CFAP92: variants seen among roughly 807,000 people sequenced by gnomAD.
CFAP92 encodes the protein uncharacterized protein CFAP92.
Under a neutral mutation model 106.3 loss-of-function variants are expected in CFAP92, and 86 were observed. The observed-to-expected ratio is 0.81, with a 90% CI of 0.68 to 0.97. CFAP92 has a LOEUF of 0.97. Ranked by LOEUF, CFAP92 falls within the 50% of genes least tolerant of loss-of-function variation. CFAP92 has a pLI of 0.00. For synonymous variants in CFAP92, 477 were observed against 506.4 expected, an observed-to-expected ratio of 0.94 and a Z score of 0.78; for missense variants, 1,204 against 1,283.8, an observed-to-expected ratio of 0.94 and a Z score of 0.95.
upstream of CFAP92, chr3:129,003,856 G>T (rs562843573): frequency 1.2e-4 from 178 of 1,450,658 alleles, 2 homozygotes; most frequent in African/African-American, 2.3e-3. Flanking sequence ...CGGAGGCTGC[G>T]GTGCGGGAGC....
intron 4 of CFAP92, among the ~76,000 whole-genome samples, chr3:128,987,365 T>C (rs1943924657): frequency 1.3e-5 from 2 of 152,024 alleles, no homozygotes; most frequent in Admixed American, 6.5e-5. Context: ...TGGGTGCCTG[T>C]GTCAGAGCTG....
chr3:128,986,538 T>C (rs1943868541), intron 4 of CFAP92, among the ~76,000 whole-genome samples: 1 of 152,164 alleles, frequency 6.6e-6, no homozygotes, highest in African/African-American at 2.4e-5. Flanking sequence ...ATTTTTAACA[T>C]CTCTAAGCAT....
Position 128,945,841 on chromosome 3 carries a change from ACTGGGGTGCAGTG to A in CFAP92, c.1475_1487del (p.Ala492ValfsTer3). On this transcript the variant is annotated frameshift_variant, in exon 10 of 16. Transcript: ENST00000645291. LOFTEE classifies it high-confidence loss of function. The stretch of plus-strand genomic sequence containing the variant: ...GGCCCTCCAGGTATTCCCTTAGGTC[ACTGGGGTGCAGTG>A]CCCCAAGGAAGATGACGTTGATGTC... The A allele has an allele frequency of 6.6e-7, 1 of 1,508,866 alleles. No homozygotes were observed. Among genetic ancestry groups the A allele is most frequent in the Non-Finnish European group, 8.8e-7 (1 of 1,135,346 alleles). The allele number at this position is 1,508,866 out of a possible 1,614,324, so 93.5% of individuals were successfully genotyped here.
the CFAP92 span, among the ~76,000 whole-genome samples, chr3:129,019,086 G>A: frequency 1.3e-5 from 2 of 152,204 alleles, no homozygotes; most frequent in Non-Finnish European, 2.9e-5. Context: ...GGGTCTTGTG[G>A]AGACACATAA....
At chr3:128,910,521 G>A (rs1435910781) in intron 15 of CFAP92, among the ~76,000 whole-genome samples, 188 bp from the exon 16 acceptor site, 1 of 152,204 alleles carries the variant, frequency 6.6e-6, no homozygotes, top group Admixed American at 6.5e-5. Flanking sequence ...TGTGACATCT[G>A]CCTTTCAGAG....
chr3:128,961,849 G>A (rs190067969), intron 9 of CFAP92, among the ~76,000 whole-genome samples: 1 of 151,996 alleles, frequency 6.6e-6, no homozygotes, highest in Non-Finnish European at 1.5e-5. Flanking sequence ...ACAATAATAG[G>A]AAAAAGTTGC....
At chr3:129,022,247 G>C in the CFAP92 span, among the ~76,000 whole-genome samples, 1 of 152,238 alleles carries the variant, frequency 6.6e-6, no homozygotes, top group Non-Finnish European at 1.5e-5. Context: ...AGCTAGCACA[G>C]AGTCCCCAGC....
chr3:129,018,340 T>A, the CFAP92 span, among the ~76,000 whole-genome samples: 99 of 152,194 alleles, frequency 6.5e-4, 1 homozygote, highest in African/African-American at 2.3e-3. Context: ...ATCCACAAAC[T>A]AAGAATAGTT....
chr3:129,008,152 C>G, the CFAP92 span, among the ~76,000 whole-genome samples: 4 of 152,344 alleles, frequency 2.6e-5, no homozygotes, highest in East Asian at 3.9e-4. Flanking sequence ...CGTGGAGTTT[C>G]CTAGCTGCAC....
intron 15 of CFAP92, chr3:128,912,675 C>CT (rs112783991): frequency 4.3e-5 from 58 of 1,345,512 alleles, no homozygotes; most frequent in South Asian, 1.1e-4. Flanking sequence ...GACTGTTACT[C>CT]TTTTTTCAGA....
chr3:128,935,192 G>A lies in CFAP92; in HGVS notation c.2386C>T (p.Leu796=), dbSNP rs997133894. 1 of 1,535,980 alleles carries A rather than the reference G, an allele frequency of 6.5e-7. No individual in the cohort carries two copies. The highest frequency in any genetic ancestry group is 8.7e-7 in the Non-Finnish European group (1 of 1,146,862). ...AGGAAGAACACCGCCTGCTGCAGCA[G>A]CAGCTCCGTGGGCTGGAAGAGGTGC... ...HVHLFQPTEL[L]LQQAVFFLRD... is the part of the protein sequence containing the mutation. The change falls in exon 11 of 16, where the codon CTG becomes TTG. Residue 796 remains leucine (L), a synonymous_variant. Transcript: ENST00000645291.
At chr3:128,922,429 T>TA (rs1171934535) in intron 12 of CFAP92, among the ~76,000 whole-genome samples, 3 of 152,192 alleles carry the variant, frequency 2.0e-5, no homozygotes, top group Non-Finnish European at 4.4e-5. Context: ...TTATTGCTGT[T>TA]ACCTTACACA....
At chr3:128,991,248 T>C (rs1195531998) in intron 2 of CFAP92, among the ~76,000 whole-genome samples, 1 of 152,158 alleles carries the variant, frequency 6.6e-6, no homozygotes, top group Admixed American at 6.5e-5. Flanking sequence ...TTTATAGCAA[T>C]AGACCCAAGA....
intron 6 of CFAP92, 54 bp from the exon 7 acceptor site, chr3:128,975,957 G>A (rs1943129626): frequency 6.5e-7 from 1 of 1,542,000 alleles, no homozygotes; most frequent in African/African-American, 1.4e-5. Flanking sequence ...TCAGGGGCCA[G>A]ATCTGAGAAT....
chr3:129,015,737 C>A, the CFAP92 span, among the ~76,000 whole-genome samples: 3 of 150,912 alleles, frequency 2.0e-5, no homozygotes, highest in Admixed American at 1.3e-4. Flanking sequence ...TGTCCCCCCA[C>A]CCCTTGTGAT....
chr3:129,000,905 T>G (rs1944697598), intron 1 of CFAP92, among the ~76,000 whole-genome samples: 1 of 152,180 alleles, frequency 6.6e-6, no homozygotes, highest in Admixed American at 6.5e-5. Flanking sequence ...GCCCCTAACC[T>G]AGACCCCTTG....
Position 128,979,382 on chromosome 3 carries a change from G to A in CFAP92, c.668-1197C>T, listed in dbSNP as rs536207566. Among the ~76,000 whole-genome samples, 8 of 152,354 alleles carry A rather than the reference G, an allele frequency of 5.3e-5. No individual in the cohort carries two copies. In the South Asian group the frequency reaches 1.7e-3, roughly 32 times the overall value. Reference sequence around the variant, plus strand: ...ACTAGTTCAACCACTGTGGAAGACAGTGTGGCGATTCCTCAGGGATCTAGA... The same window carrying A: ...ACTAGTTCAACCACTGTGGAAGACAATGTGGCGATTCCTCAGGGATCTAGA... On this transcript the variant is annotated intron_variant, in intron 4 of 15. Coordinates refer to ENST00000645291, the MANE Select transcript of CFAP92 (RefSeq NM_001394090.1).
intron 10 of CFAP92, among the ~76,000 whole-genome samples, chr3:128,943,110 G>A (rs1215487711): frequency 6.6e-6 from 1 of 151,892 alleles, no homozygotes; most frequent in Admixed American, 6.6e-5. Flanking sequence ...TAGTAGAGAT[G>A]GGGTTTCACT....
chr3:128,973,354 G>T (rs544615650), intron 7 of CFAP92, among the ~76,000 whole-genome samples: 589 of 152,196 alleles, frequency 3.9e-3, no homozygotes, highest in Non-Finnish European at 7.0e-3. Flanking sequence ...CTGCAAGCAG[G>T]GGGGAACAGA....
Sources: allele counts gnomAD v4.1 joint callset (sites outside exome capture counted in the v4.1 genomes callset), GRCh38; gene constraint gnomAD v4.1.1; transcripts MANE v1.5; gene names NCBI Gene and HGNC (gene_info 2026-07-23, HGNC 2026-07-21).